The following EYS variants were observed in gnomAD, a reference collection of about 807,000 sequenced individuals.
EYS encodes the protein EGF-like photoreceptor maintenance factor, also known as protein eyes shut homolog.
In EYS, 250 loss-of-function variants were observed where a neutral mutation model predicts 282.1. That is an observed-to-expected ratio of 0.89 (90% CI 0.80 to 0.98). The LOEUF (loss-of-function observed/expected upper bound fraction) is 0.98, where lower values mean the gene tolerates loss of function less well. EYS is among the 50% of genes least tolerant of loss of function. The pLI, the probability that EYS is intolerant of heterozygous loss-of-function variation, is 0.00. For missense variants in EYS, 4,016 were observed against 3,709.0 expected (o/e 1.08, Z -2.15); for synonymous variants, 1,355 against 1,282.9 (o/e 1.06, Z -1.20).
chr6:63,805,232 A>T (rs1395001894), intron 37 of EYS, among the ~76,000 whole-genome samples: 1 of 152,230 alleles, frequency 6.6e-6, no homozygotes, highest in African/African-American at 2.4e-5. Context: ...TTGATTGCAG[A>T]CTTAAAAGTA....
chr6:65,151,451 G>T (rs971942917), intron 12 of EYS, among the ~76,000 whole-genome samples: 1 of 151,904 alleles, frequency 6.6e-6, no homozygotes, highest in Non-Finnish European at 1.5e-5. Flanking sequence ...GTCAAGATTT[G>T]GGGAACTAAG....
rs757147918 is a variant in EYS at position 65,353,465 on chromosome 6, T to C, written c.1452A>G (p.Gly484=). 1.2e-6 allele frequency: 2 copies of C among 1,612,946 alleles called. No individual in the cohort carries two copies. Among genetic ancestry groups the C allele is most frequent in the South Asian group, 2.2e-5 (2 of 91,040 alleles). ...ATTACATAAATTTGTTACCTGCAAA[T>C]CCCAATTGCCACACATATTCAAATT... ...PAQFEYVWQL[G]FAGSEGEKCQ... is the part of the protein sequence containing the mutation. The change falls in exon 9 of 43, where the codon GGA becomes GGG. Residue 484 remains glycine, a synonymous_variant. Coordinates refer to ENST00000503581, the MANE Select transcript of EYS (RefSeq NM_001142800.2).
intron 35 of EYS, among the ~76,000 whole-genome samples, chr6:63,889,511 C>T (rs1347394933): frequency 6.6e-6 from 1 of 152,096 alleles, no homozygotes; most frequent in Non-Finnish European, 1.5e-5. Flanking sequence ...ATTTCATATC[C>T]AGCCAAACTA....
At position 64,190,874 on chromosome 6, in the gene EYS, C is replaced by T. The variant is rs572226005; in HGVS notation, c.6424+39718G>A. Among the ~76,000 whole-genome samples the T allele has an allele frequency of 3.0e-4, 45 of 152,260 alleles. 1 individual carries two copies. Among genetic ancestry groups the T allele is most frequent in the African/African-American group, 9.9e-4 (41 of 41,552 alleles). On this transcript the variant is annotated intron_variant, in intron 31 of 42. Coordinates refer to ENST00000503581, the MANE Select transcript of EYS (RefSeq NM_001142800.2). ...ACATTTTTGTAACTACCTATTATGT[C>T]GCTGGCTAGAACTATGCCTGGTGTC... is the stretch of plus-strand genomic sequence containing the variant.
chr6:64,976,962 G>A (rs1245585642), intron 14 of EYS, among the ~76,000 whole-genome samples: 2 of 151,596 alleles, frequency 1.3e-5, no homozygotes, highest in South Asian at 4.2e-4. Context: ...GAATGATATC[G>A]GCTCACTGCA....
chr6:65,043,397 T>C (rs1772997806), intron 13 of EYS, among the ~76,000 whole-genome samples: 1 of 151,470 alleles, frequency 6.6e-6, no homozygotes, highest in Non-Finnish European at 1.5e-5. Flanking sequence ...CAGTGTGTCA[T>C]AGTACAAATG....
chr6:64,165,313 G>T lies in EYS; in HGVS notation c.6424+65279C>A, dbSNP rs181249801. ...GTAATTGCAGTATAGTATAGTAATT[G>T]CAGTGTTAATCTATGATTTTAATTT... is the stretch of plus-strand genomic sequence containing the variant. On this transcript the variant is annotated intron_variant, in intron 31 of 42. Transcript: ENST00000503581. 1.9e-3 allele frequency among the ~76,000 whole-genome samples: 282 copies of T among 152,078 alleles called. 2 individuals are homozygous for T. In the South Asian group the frequency reaches 0.021, roughly 11 times the overall value.
intron 1 of EYS, among the ~76,000 whole-genome samples, chr6:65,669,821 T>G (rs1185034513): frequency 6.6e-6 from 1 of 152,018 alleles, no homozygotes; most frequent in Non-Finnish European, 1.5e-5. Context: ...AACTATGGCT[T>G]TGTCACACAG....
chr6:63,826,845 C>CAAAAAAAAAAAAAAAAAAAAG (rs59957107), intron 36 of EYS, among the ~76,000 whole-genome samples: 11 of 76,762 alleles, frequency 1.4e-4, no homozygotes, highest in Non-Finnish European at 2.3e-4. Context: ...AGTTAAAAAG[C>CAAAAAAAAAAAAAAAAAAAAG]AAAAAAAAAA....
intron 22 of EYS, among the ~76,000 whole-genome samples, chr6:64,671,864 AAAC>A (rs1769473237): frequency 6.6e-6 from 1 of 152,182 alleles, no homozygotes; most frequent in South Asian, 2.1e-4. Context: ...ACATGTCCAA[AAAC>A]AACATTATTA....
intron 33 of EYS, among the ~76,000 whole-genome samples, chr6:64,042,113 C>A (rs1290219332): frequency 6.6e-6 from 1 of 152,020 alleles, no homozygotes; most frequent in Non-Finnish European, 1.5e-5. Context: ...TGAACGAGAG[C>A]GGAAATTTCT....
chr6:63,919,057 C>T (rs1764496462), intron 35 of EYS, among the ~76,000 whole-genome samples: 1 of 152,100 alleles, frequency 6.6e-6, no homozygotes, highest in African/African-American at 2.4e-5. Flanking sequence ...CAAAGCTGTG[C>T]TCTGAGGCCA....
At chr6:65,661,408 A>G (rs1767997298) in intron 1 of EYS, among the ~76,000 whole-genome samples, 1 of 152,022 alleles carries the variant, frequency 6.6e-6, no homozygotes, top group African/African-American at 2.4e-5. Context: ...AAGATTATAT[A>G]AATTTAAACA....
At chr6:64,264,534 G>A (rs1006824552) in intron 30 of EYS, among the ~76,000 whole-genome samples, 5 of 152,110 alleles carry the variant, frequency 3.3e-5, no homozygotes, top group African/African-American at 9.7e-5. Flanking sequence ...GTGGCACCAT[G>A]TCATTTCTGC....
At chr6:64,596,572 C>A (rs562051279) in intron 24 of EYS, among the ~76,000 whole-genome samples, 3 of 152,098 alleles carry the variant, frequency 2.0e-5, no homozygotes, top group Non-Finnish European at 4.4e-5. Flanking sequence ...ATATTCACAG[C>A]TAGCTGATTT....
At chr6:64,303,734 G>A (rs576563108) in intron 30 of EYS, among the ~76,000 whole-genome samples, 61 of 150,598 alleles carry the variant, frequency 4.1e-4, no homozygotes, top group South Asian at 1.3e-3. Flanking sequence ...CCAGCTACAC[G>A]GGAGGCTGAG....
chr6:64,587,458 A>G (rs558876930), intron 26 of EYS, among the ~76,000 whole-genome samples: 1 of 152,190 alleles, frequency 6.6e-6, no homozygotes, highest in Admixed American at 6.6e-5. Flanking sequence ...GCATTGTAGA[A>G]CATTAGACTA....
chr6:65,613,261 G>C (rs1163630018), intron 2 of EYS, among the ~76,000 whole-genome samples: 1 of 151,660 alleles, frequency 6.6e-6, no homozygotes, highest in East Asian at 1.9e-4. Context: ...TCAGAATATT[G>C]GTATATTTGT....
intron 20 of EYS, 74 bp downstream of exon 20, chr6:64,822,577 T>C (rs1583194133): frequency 1.7e-6 from 2 of 1,189,508 alleles, no homozygotes; most frequent in East Asian, 2.7e-5. Flanking sequence ...TTATCAACTT[T>C]CCCTTGATGT....
Sources: gnomAD v4.1 joint callset for allele counts (sites outside exome capture counted in the v4.1 genomes callset) on GRCh38, gnomAD v4.1.1 for gene constraint, MANE v1.5 for transcripts, NCBI Gene and HGNC (gene_info 2026-07-23, HGNC 2026-07-21) for gene names.